CTIF: variants seen among roughly 807,000 people sequenced by gnomAD.
The protein encoded by CTIF is cap binding complex dependent translation initiation factor.
In CTIF, 21 loss-of-function variants were observed where a neutral mutation model predicts 66.0. The observed-to-expected ratio is 0.32, with a 90% CI of 0.23 to 0.46. The LOEUF is 0.46. Ranked by LOEUF, CTIF falls within the 20% of genes least tolerant of loss-of-function variation. CTIF has a pLI of 1.00. For synonymous variants in CTIF, 345 were observed against 326.4 expected, an observed-to-expected ratio of 1.06 and a Z score of -0.62; for missense variants, 739 against 812.7, an observed-to-expected ratio of 0.91 and a Z score of 1.10.
chr18:48,734,779 A>G (rs1598948965), intron 7 of CTIF, among the ~76,000 whole-genome samples: 1 of 152,082 alleles, frequency 6.6e-6, no homozygotes, highest in South Asian at 2.1e-4. Context: ...CAGGGGCTGG[A>G]GAGGAGGTTT....
intron 9 of CTIF, among the ~76,000 whole-genome samples, chr18:48,804,453 G>A (rs2068102913): frequency 6.6e-6 from 1 of 152,216 alleles, no homozygotes; most frequent in South Asian, 2.1e-4. Flanking sequence ...CCAGGACGTG[G>A]CATGATGGCC....
chr18:48,750,576 G>C (rs1389120106), intron 7 of CTIF, among the ~76,000 whole-genome samples: 1 of 152,268 alleles, frequency 6.6e-6, no homozygotes, highest in East Asian at 1.9e-4. Context: ...ACTGTGGTGG[G>C]AAAGGGCTGT....
Position 48,559,363 on chromosome 18 carries a change from C to A in CTIF, c.-29+20051C>A, listed in dbSNP as rs371454289. Among the ~76,000 whole-genome samples the A allele has an allele frequency of 1.0e-3, 157 of 152,188 alleles. 1 individual carries two copies. Among genetic ancestry groups the A allele is most frequent in the Middle Eastern group, 6.8e-3 (2 of 294 alleles). On this transcript the variant is annotated intron_variant, in intron 1 of 11. Coordinates refer to ENST00000256413, the MANE Select transcript of CTIF (RefSeq NM_014772.3). ...GAGGTCTGTAGTCCTACCACCCCCC[C>A]CAATCCTAACAAACAAAAGAATATT...
intron 9 of CTIF, among the ~76,000 whole-genome samples, chr18:48,802,698 CA>C (rs1316047406): frequency 5.3e-5 from 8 of 152,344 alleles, no homozygotes; most frequent in Admixed American, 4.6e-4. Context: ...CAGAGAAGAT[CA>C]GGGCGCCAGC....
intron 7 of CTIF, among the ~76,000 whole-genome samples, chr18:48,717,999 T>A (rs1321655002): frequency 6.6e-6 from 1 of 152,186 alleles, no homozygotes; most frequent in East Asian, 1.9e-4. Context: ...CCGTCAACCT[T>A]CCAAGTAGCT....
chr18:48,856,603 T>C (rs1249198317), intron 10 of CTIF, among the ~76,000 whole-genome samples: 5 of 152,232 alleles, frequency 3.3e-5, no homozygotes, highest in Non-Finnish European at 5.9e-5. Flanking sequence ...TACTGGTATA[T>C]GCTACAACAT....
intron 2 of CTIF, among the ~76,000 whole-genome samples, chr18:48,624,387 G>A (rs1443738534): frequency 6.6e-6 from 1 of 152,172 alleles, no homozygotes; most frequent in Non-Finnish European, 1.5e-5. Context: ...ACCTACTTCT[G>A]GTTTCCTGCT....
intron 9 of CTIF, among the ~76,000 whole-genome samples, chr18:48,781,918 G>T (rs1016439593): frequency 6.6e-6 from 1 of 152,172 alleles, no homozygotes; most frequent in South Asian, 2.1e-4. Flanking sequence ...AAATAAGGAC[G>T]TGAAAATAGT....
At chr18:48,791,024 T>G (rs186009018) in intron 9 of CTIF, among the ~76,000 whole-genome samples, 17 of 152,172 alleles carry the variant, frequency 1.1e-4, no homozygotes, top group African/African-American at 3.9e-4. Context: ...AGAACAGACC[T>G]CCTAGGAATG....
intron 7 of CTIF, among the ~76,000 whole-genome samples, chr18:48,724,465 A>G (rs966743941): frequency 6.6e-6 from 1 of 151,910 alleles, no homozygotes; most frequent in Non-Finnish European, 1.5e-5. Flanking sequence ...CCTGCTCCCA[A>G]CACTGACCAG....
chr18:48,731,370 A>G (rs561515597), intron 7 of CTIF, among the ~76,000 whole-genome samples: 5 of 152,280 alleles, frequency 3.3e-5, no homozygotes, highest in Admixed American at 2.6e-4. Flanking sequence ...ATCCTTTGGA[A>G]TAGGGAGAGA....
intron 6 of CTIF, among the ~76,000 whole-genome samples, chr18:48,675,794 G>A (rs949589081): frequency 2.0e-5 from 3 of 152,224 alleles, no homozygotes; most frequent in East Asian, 1.9e-4. Context: ...GGGTGGGGCT[G>A]GGGGAGTTAC....
rs181012431 is a variant in CTIF, at chr18:48,655,983, C to T, written c.253-7769C>T. 8.9e-4 allele frequency among the ~76,000 whole-genome samples: 135 copies of T among 152,360 alleles called. 3 individuals carry two copies. Among genetic ancestry groups the T allele is most frequent in the African/African-American group, 3.2e-3 (131 of 41,582 alleles). On this transcript the variant is annotated intron_variant, in intron 3 of 11. Transcript: ENST00000256413. ...AGAAGATTTGTTGTTTTCACTGCAT[C>T]TGACTTTGTATGTTTTTCTATCATA...
At chr18:48,588,217 C>T (rs971596220) in intron 1 of CTIF, among the ~76,000 whole-genome samples, 3 of 152,224 alleles carry the variant, frequency 2.0e-5, no homozygotes, top group African/African-American at 4.8e-5. Flanking sequence ...GGACACCCCC[C>T]AGCCCACTCT....
chr18:48,801,549 A>G (rs2068049268), intron 9 of CTIF, among the ~76,000 whole-genome samples: 3 of 152,222 alleles, frequency 2.0e-5, no homozygotes, highest in Admixed American at 1.3e-4. Flanking sequence ...TTGTGGGTGG[A>G]TGTGAGCTTC....
intron 1 of CTIF, among the ~76,000 whole-genome samples, chr18:48,556,297 A>G (rs183288637): frequency 6.6e-6 from 1 of 152,300 alleles, no homozygotes; most frequent in Non-Finnish European, 1.5e-5. Context: ...GAGGCTCACG[A>G]GCTTCCAGGA....
In CTIF at chr18:48,616,286, G is replaced by A. The variant is rs1424767994; in HGVS notation, c.-28-3252G>A. 3.3e-5 allele frequency among the ~76,000 whole-genome samples: 5 copies of A among 152,242 alleles called. No homozygotes were observed. In the South Asian group the frequency reaches 6.2e-4, roughly 19 times the overall value. On this transcript the variant is annotated intron_variant, in intron 1 of 11. Transcript: ENST00000256413. ...TCCTTTTCAGCCCTCTCTGGACATCGGCGGTTTTATTCCCATCCAGCGGAG... is the reference window on the plus strand; with the variant it reads ...TCCTTTTCAGCCCTCTCTGGACATCAGCGGTTTTATTCCCATCCAGCGGAG...
Position 48,857,621 on chromosome 18 carries a change from G to A in CTIF, c.1561G>A (p.Val521Ile). The change falls in exon 11 of 12, where the codon GTC becomes ATC. Residue 521 changes from valine (V) to isoleucine (I), a missense_variant. Val to Ile is a conservative substitution (Grantham distance 29). Around this residue, in one of 2 missense-constraint regions of CTIF, gnomAD observed 210 missense variants for 292.3 expected, o/e 0.72. Transcript: ENST00000256413. ...ATCTCAGGATGTGAAGGAAGATGCT[G>A]TCCTTTGCTGCTCTATGGAGGTAAG... Reference protein sequence around the residue: ...LQSQDVKEDAVLCCSMELQST... With the variant: ...LQSQDVKEDAILCCSMELQST... The A allele has an allele frequency of 6.2e-7, 1 of 1,608,472 alleles. No individual in the cohort carries two copies. The highest frequency in any genetic ancestry group is 8.5e-7 in the Non-Finnish European group (1 of 1,177,394).
chr18:48,553,149 C>G (rs1337358619), intron 1 of CTIF, among the ~76,000 whole-genome samples: 1 of 152,178 alleles, frequency 6.6e-6, no homozygotes. Context: ...CCTCTTTGCA[C>G]AAGGTAGAAA....
Sources: allele counts gnomAD v4.1 joint callset (sites outside exome capture counted in the v4.1 genomes callset), GRCh38; gene constraint gnomAD v4.1.1; regional missense constraint gnomAD v4.1.1; transcripts MANE v1.5; gene names NCBI Gene and HGNC (gene_info 2026-07-23, HGNC 2026-07-21).